Variants in LRMDA observed in about 807,000 individuals in gnomAD.
LRMDA encodes leucine-rich melanocyte differentiation-associated protein.
LRMDA carries 18 observed loss-of-function variants against 29.8 expected under a neutral mutation model. That is an observed-to-expected ratio of 0.60 (90% CI 0.42 to 0.90). The LOEUF is 0.90. Among genes scored for constraint, LRMDA ranks in the 40% least tolerant of loss-of-function variants. LRMDA has a pLI of 0.00. For synonymous variants in LRMDA, 125 were observed against 109.4 expected, an observed-to-expected ratio of 1.14 and a Z score of -0.89; for missense variants, 273 against 273.9, an observed-to-expected ratio of 1.00 and a Z score of 0.02.
At chr10:76,521,132 ATTTT>A (rs11286208) in intron 6 of LRMDA, among the ~76,000 whole-genome samples, 4 of 114,648 alleles carry the variant, frequency 3.5e-5, no homozygotes, top group Admixed American at 8.7e-5. Flanking sequence ...CATTATTACC[ATTTT>A]TTTTTTTTTT....
chr10:75,547,367 C>T (rs182589930), intron 2 of LRMDA, among the ~76,000 whole-genome samples: 2 of 152,306 alleles, frequency 1.3e-5, no homozygotes, highest in Non-Finnish European at 2.9e-5. Context: ...TTGCTCATCT[C>T]TAATTAAAGA....
intron 2 of LRMDA, among the ~76,000 whole-genome samples, chr10:75,738,043 C>T (rs139477023): frequency 2.0e-5 from 3 of 152,152 alleles, no homozygotes; most frequent in Non-Finnish European, 4.4e-5. Context: ...TGTCAAGAAA[C>T]GATGTTCATA....
At chr10:76,139,336 T>C (rs1372421702) in intron 5 of LRMDA, among the ~76,000 whole-genome samples, 1 of 152,194 alleles carries the variant, frequency 6.6e-6, no homozygotes, top group African/African-American at 2.4e-5. Context: ...TACATCATAT[T>C]TAGTTAAAAA....
intron 5 of LRMDA, among the ~76,000 whole-genome samples, chr10:76,179,231 T>G: frequency 6.6e-6 from 1 of 151,898 alleles, no homozygotes; most frequent in Admixed American, 6.6e-5. Context: ...TAGGATGCAA[T>G]CAAGGAGGGG....
intron 5 of LRMDA, among the ~76,000 whole-genome samples, chr10:76,091,775 T>C (rs903791604): frequency 2.0e-5 from 3 of 152,044 alleles, no homozygotes; most frequent in African/African-American, 7.2e-5. Flanking sequence ...AACCTCAAAC[T>C]CCTGGGCTCA....
At chr10:75,911,088 G>A (rs985476019) in intron 2 of LRMDA, among the ~76,000 whole-genome samples, 1 of 152,064 alleles carries the variant, frequency 6.6e-6, no homozygotes, top group African/African-American at 2.4e-5. Context: ...ATGAATGACT[G>A]ACAGGTGACC....
At chr10:75,929,560 C>T (rs1846176158) in intron 2 of LRMDA, among the ~76,000 whole-genome samples, 2 of 152,094 alleles carry the variant, frequency 1.3e-5, no homozygotes, top group Non-Finnish European at 2.9e-5. Flanking sequence ...AGGGATCATA[C>T]TGTATTAGGT....
chr10:76,509,675 A>G (rs879324203), intron 6 of LRMDA, among the ~76,000 whole-genome samples: 3 of 152,214 alleles, frequency 2.0e-5, no homozygotes, highest in Admixed American at 1.3e-4. Flanking sequence ...ACTGCGTGGG[A>G]AAGATCTGAC....
At chr10:76,130,651 C>T (rs559443125) in intron 5 of LRMDA, among the ~76,000 whole-genome samples, 7 of 152,158 alleles carry the variant, frequency 4.6e-5, no homozygotes, top group African/African-American at 1.7e-4. Flanking sequence ...CTGTGTCTAC[C>T]CAGCTTAGCC....
rs567691214 is a variant in LRMDA, at chr10:76,557,232, G to C, written c.625G>C (p.Val209Leu). Residue 209 changes from valine (V) to leucine (L), a missense_variant, in exon 7 of 7, where the codon GTT becomes CTT. Val to Leu is a conservative substitution (Grantham distance 32, BLOSUM62 1). Coordinates refer to ENST00000611255, the MANE Select transcript of LRMDA (RefSeq NM_001305581.2). The part of the protein sequence containing the change: ...HQGVLGKCRY[V>L]YYGKNSEGNR... ...AGGTGTCCTGGGGAAGTGTCGCTACGTTTACTATGGGAAAAACTCAGAGGG... is the reference window on the plus strand; with the variant it reads ...AGGTGTCCTGGGGAAGTGTCGCTACCTTTACTATGGGAAAAACTCAGAGGG... The C allele has an allele frequency of 1.9e-6, 3 of 1,614,086 alleles. No individual in the cohort carries two copies. The highest frequency in any genetic ancestry group is 3.3e-5 in the Admixed American group (2 of 60,016).
At chr10:76,083,501 C>A (rs1849080363) in intron 5 of LRMDA, among the ~76,000 whole-genome samples, 1 of 152,170 alleles carries the variant, frequency 6.6e-6, no homozygotes, top group Admixed American at 6.5e-5. Flanking sequence ...GGCCTCACCA[C>A]ACCTAAATAA....
intron 2 of LRMDA, among the ~76,000 whole-genome samples, chr10:75,923,470 T>C (rs567196988): frequency 3.3e-5 from 5 of 152,226 alleles, no homozygotes; most frequent in East Asian, 1.9e-4. Context: ...AGGAACTCCA[T>C]AGGAGAGGAA....
At chr10:75,458,241 C>G (rs1016891273) in intron 2 of LRMDA, among the ~76,000 whole-genome samples, 2 of 152,100 alleles carry the variant, frequency 1.3e-5, no homozygotes, top group Non-Finnish European at 2.9e-5. Context: ...ATTTTTGATT[C>G]TTTTGACTTT....
Position 75,676,423 on chromosome 10 carries a change from C to T in LRMDA, c.131+237929C>T, listed in dbSNP as rs568273533. Among the ~76,000 whole-genome samples, 9 of 152,322 alleles carry T rather than the reference C, an allele frequency of 5.9e-5. No individual in the cohort carries two copies. In the East Asian group the frequency reaches 1.7e-3, roughly 29 times the overall value. ...CTAGCATTTTTGACATTGTCATCAT[C>T]TCCAGGTTGCATCTGAAAATACAGC... On this transcript the variant is annotated intron_variant, in intron 2 of 6. Transcript: ENST00000611255.
At position 76,058,779 on chromosome 10, in the gene LRMDA, C is replaced by A; in HGVS notation, c.512C>A (p.Pro171His). The A allele has an allele frequency of 1.2e-6, 2 of 1,607,944 alleles. No homozygotes were observed. The highest frequency in any genetic ancestry group is 1.7e-6 in the Non-Finnish European group (2 of 1,174,514). The part of the protein sequence containing the change: ...VRGVFMKVVK[P>H]KASSEDVASS... ...GGAGTCTTCATGAAGGTGGTGAAGC[C>A]CAAGGTGAGCTGCCTACTTGCTGTT... The change falls in exon 5 of 7, where the codon CCC (proline) becomes CAC (histidine). Residue 171 changes from proline to histidine, a missense_variant. Pro to His is a moderately conservative substitution (Grantham distance 77). Transcript: ENST00000611255.
chr10:75,869,907 T>A (rs774334626), intron 2 of LRMDA, among the ~76,000 whole-genome samples: 1 of 152,226 alleles, frequency 6.6e-6, no homozygotes, highest in Non-Finnish European at 1.5e-5. Context: ...CCTGTGAATC[T>A]GTCATACTCT....
rs11441922 is a variant in LRMDA at position 76,142,519 on chromosome 10, A to ATT, written c.516+83744_516+83745dup. On this transcript the variant is annotated intron_variant, in intron 5 of 6. Coordinates refer to ENST00000611255, the MANE Select transcript of LRMDA (RefSeq NM_001305581.2). Reference sequence around the variant, plus strand: ...GTAAAAACAAAGCTTGTCACGCTTGATTTTTTTTTCTGGGATTTACTTTTT... The same window carrying ATT: ...GTAAAAACAAAGCTTGTCACGCTTGATTTTTTTTTTTCTGGGATTTACTTTTT... 6.5e-3 allele frequency among the ~76,000 whole-genome samples: 976 copies of ATT among 150,598 alleles called. 12 individuals carry two copies. Among genetic ancestry groups the ATT allele is most frequent in the African/African-American group, 0.022 (896 of 41,128 alleles).
chr10:76,553,891 G>A (rs978670169), intron 6 of LRMDA, among the ~76,000 whole-genome samples: 63 of 152,088 alleles, frequency 4.1e-4, no homozygotes, highest in African/African-American at 1.3e-3. Context: ...CTGCCAGGCC[G>A]TCCCCACGCC....
chr10:76,273,080 G>A (rs1235454524), intron 5 of LRMDA, among the ~76,000 whole-genome samples: 1 of 151,974 alleles, frequency 6.6e-6, no homozygotes, highest in Non-Finnish European at 1.5e-5. Context: ...ACCTATACAT[G>A]GGGTGAGCAT....
Sources: allele counts gnomAD v4.1 joint callset (sites outside exome capture counted in the v4.1 genomes callset), GRCh38; gene constraint gnomAD v4.1.1; transcripts MANE v1.5; gene names NCBI Gene and HGNC (gene_info 2026-07-23, HGNC 2026-07-21).